GATAD2A: variants seen among roughly 807,000 people sequenced by gnomAD.
GATAD2A encodes the protein transcriptional repressor p66-alpha.
A neutral mutation model predicts 68.5 loss-of-function variants in GATAD2A; 12 were observed. That is an observed-to-expected ratio of 0.18 (90% CI 0.11 to 0.28). The LOEUF (loss-of-function observed/expected upper bound fraction) is 0.28. Ranked by LOEUF, GATAD2A falls within the 10% of genes least tolerant of loss-of-function variation. GATAD2A has a pLI of 1.00. For synonymous variants in GATAD2A, 410 were observed against 375.3 expected (o/e 1.09, Z -1.07); for missense variants, 755 against 868.5 (o/e 0.87, Z 1.64).
chr19:19,501,247 C>T lies in GATAD2A; in HGVS notation c.1334C>T (p.Thr445Ile). 1 of 1,613,510 alleles carries T rather than the reference C, an allele frequency of 6.2e-7. No individual in the cohort carries two copies. The highest frequency in any genetic ancestry group is 1.3e-5 in the African/African-American group (1 of 75,056). ...ATCATGTGTGAGAACTGCATGACAACCAACCAGAAGAAGGCGCTCAAGGTG... is the reference window on the plus strand; with the variant it reads ...ATCATGTGTGAGAACTGCATGACAATCAACCAGAAGAAGGCGCTCAAGGTG... ...GAIMCENCMT[T>I]NQKKALKVEH... The change falls in exon 9 of 12, where the codon ACC becomes ATC. Residue 445 changes from threonine to isoleucine, a missense_variant. Transcript: ENST00000683918.
intron 1 of GATAD2A, among the ~76,000 whole-genome samples, chr19:19,428,787 G>A (rs1290595126): frequency 6.6e-6 from 1 of 152,078 alleles, no homozygotes; most frequent in East Asian, 1.9e-4. Flanking sequence ...TGACACTGGG[G>A]CAACTCTCAA....
intron 4 of GATAD2A, among the ~76,000 whole-genome samples, chr19:19,493,310 T>C (rs1213363011): frequency 6.6e-6 from 1 of 152,226 alleles, no homozygotes; most frequent in African/African-American, 2.4e-5. Flanking sequence ...AGCATGTTTC[T>C]GGGTGAAGCA....
At chr19:19,454,252 T>C (rs1197376108) in intron 1 of GATAD2A, among the ~76,000 whole-genome samples, 9 of 150,430 alleles carry the variant, frequency 6.0e-5, no homozygotes, top group African/African-American at 2.2e-4. Flanking sequence ...CACCTTGGCC[T>C]CCCGAAGTGC....
At chr19:19,475,072 C>T (rs1435425995) in intron 2 of GATAD2A, among the ~76,000 whole-genome samples, 3 of 152,210 alleles carry the variant, frequency 2.0e-5, no homozygotes, top group African/African-American at 7.2e-5. Flanking sequence ...TGCCTGCATA[C>T]GGGTGGAGGG....
intron 1 of GATAD2A, among the ~76,000 whole-genome samples, chr19:19,451,486 G>A (rs1221258168): frequency 6.6e-6 from 1 of 152,216 alleles, no homozygotes; most frequent in East Asian, 1.9e-4. Context: ...CAGTTATTGT[G>A]GCTTCTCTGG....
intron 1 of GATAD2A, among the ~76,000 whole-genome samples, chr19:19,443,676 T>G (rs1329311852): frequency 6.6e-6 from 1 of 152,144 alleles, no homozygotes; most frequent in African/African-American, 2.4e-5. Context: ...CTGCAGTTAA[T>G]CACACCATTA....
At chr19:19,393,402 A>G (rs535451845) in intron 1 of GATAD2A, among the ~76,000 whole-genome samples, 103 of 152,322 alleles carry the variant, frequency 6.8e-4, no homozygotes, top group Non-Finnish European at 1.1e-3. Context: ...TGCAATTTAC[A>G]TTACATTAAA....
At position 19,420,498 on chromosome 19, in the gene GATAD2A, AT is replaced by A. The variant is rs34881322; in HGVS notation, c.-7+14493del. ...AGGCGCCCGCCACCACGCCTGGCCA[AT>A]TTTTTTTTTTTTTGGTATTTTTAGT... On this transcript the variant is annotated intron_variant, in intron 1 of 11. Transcript: ENST00000683918. Among the ~76,000 whole-genome samples the A allele has an allele frequency of 7.2e-3, 912 of 126,200 alleles. 3 individuals carry two copies. Among genetic ancestry groups the A allele is most frequent in the Middle Eastern group, 0.015 (3 of 206 alleles). 82.8% of individuals were successfully genotyped at this position (126,200 alleles called of 152,430 possible).
At chr19:19,457,473 GC>G (rs1172533520) in intron 1 of GATAD2A, among the ~76,000 whole-genome samples, 1 of 152,188 alleles carries the variant, frequency 6.6e-6, no homozygotes, top group Admixed American at 6.5e-5. Flanking sequence ...AGGCTCGGTG[GC>G]TCACGCCTGT....
At chr19:19,480,229 A>T (rs2058962680) in intron 2 of GATAD2A, among the ~76,000 whole-genome samples, 1 of 152,024 alleles carries the variant, frequency 6.6e-6, no homozygotes, top group African/African-American at 2.4e-5. Flanking sequence ...ATGACATTTT[A>T]CTCACGTATG....
intron 1 of GATAD2A, among the ~76,000 whole-genome samples, chr19:19,422,957 C>T (rs530160271): frequency 5.9e-5 from 9 of 152,214 alleles, no homozygotes; most frequent in East Asian, 5.8e-4. Context: ...ATGATCTGCC[C>T]GCCTCGGCCT....
chr19:19,468,513 T>G (rs1166774191), intron 2 of GATAD2A, among the ~76,000 whole-genome samples: 2 of 152,210 alleles, frequency 1.3e-5, no homozygotes, highest in Non-Finnish European at 2.9e-5. Flanking sequence ...AGATACATCA[T>G]AGTCAAACTG....
chr19:19,409,079 T>C (rs865910075), intron 1 of GATAD2A, among the ~76,000 whole-genome samples: 7 of 150,842 alleles, frequency 4.6e-5, no homozygotes, highest in South Asian at 4.2e-4. Context: ...CAGCAGAGTT[T>C]TGGATATATG....
At position 19,502,324 on chromosome 19, in the gene GATAD2A, A is replaced by G; in HGVS notation, c.1579-7A>G. 1 of 1,600,246 alleles carries G rather than the reference A, an allele frequency of 6.2e-7. No individual in the cohort carries two copies. On this transcript the variant is annotated splice_polypyrimidine_tract_variant and splice_region_variant and intron_variant, in intron 10 of 11. Coordinates refer to ENST00000683918, the MANE Select transcript of GATAD2A (RefSeq NM_001384528.1). Reference sequence around the variant, plus strand: ...CATGAGCCGTCACCCCCCTTTCTCCACTGCAGGCCTCCAGCCAGCTGTCCC... The same window carrying G: ...CATGAGCCGTCACCCCCCTTTCTCCGCTGCAGGCCTCCAGCCAGCTGTCCC...
At chr19:19,419,216 G>A (rs948620741) in intron 1 of GATAD2A, among the ~76,000 whole-genome samples, 7 of 152,220 alleles carry the variant, frequency 4.6e-5, no homozygotes, top group East Asian at 1.9e-4. Context: ...GGTGCCCTAA[G>A]CATGTAGTTG....
chr19:19,496,739 G>A (rs2060179144), intron 7 of GATAD2A, among the ~76,000 whole-genome samples: 1 of 152,222 alleles, frequency 6.6e-6, no homozygotes, highest in South Asian at 2.1e-4. Context: ...CAGATGGGGA[G>A]GGTCTGTCCC....
intron 1 of GATAD2A, among the ~76,000 whole-genome samples, chr19:19,410,533 C>T (rs2050795834): frequency 6.6e-6 from 1 of 152,210 alleles, no homozygotes; most frequent in South Asian, 2.1e-4. Context: ...CAGGACCTGG[C>T]GCTGCGTGGC....
At chr19:19,419,510 C>CTTTTT (rs57019208) in intron 1 of GATAD2A, among the ~76,000 whole-genome samples, 9 of 110,612 alleles carry the variant, frequency 8.1e-5, no homozygotes, top group African/African-American at 7.1e-5. Flanking sequence ...ATCTCTACAT[C>CTTTTT]TTTTTTTTTT....
chr19:19,465,187 G>T (rs916502917), intron 1 of GATAD2A, among the ~76,000 whole-genome samples, 153 bp from the exon 2 acceptor site: 2 of 152,178 alleles, frequency 1.3e-5, no homozygotes, highest in Non-Finnish European at 2.9e-5. Context: ...AAATGTCCTG[G>T]GGATGCTTTT....
Sources: gnomAD v4.1 joint callset for allele counts (sites outside exome capture counted in the v4.1 genomes callset) on GRCh38, gnomAD v4.1.1 for gene constraint, MANE v1.5 for transcripts, NCBI Gene and HGNC (gene_info 2026-07-23, HGNC 2026-07-21) for gene names.